Variants in TCF3 observed in about 807,000 individuals in gnomAD.
TCF3 encodes the protein transcription factor E2-alpha.
TCF3 carries 54 observed loss-of-function variants against 72.3 expected under a neutral mutation model. The observed-to-expected ratio is 0.75, with a 90% CI of 0.60 to 0.94. The LOEUF is 0.94. Ranked by LOEUF, TCF3 falls within the 40% of genes least tolerant of loss-of-function variation. The pLI is 0.00. For synonymous variants in TCF3, 525 were observed against 412.6 expected, an observed-to-expected ratio of 1.27 and a Z score of -3.30; for missense variants, 1,078 against 934.4, an observed-to-expected ratio of 1.15 and a Z score of -2.00.
Position 1,621,826 on chromosome 19 carries a change from G to A in TCF3, c.955+12C>T. 4 of 1,579,518 alleles carry A rather than the reference G, an allele frequency of 2.5e-6. No homozygotes were observed. The highest frequency in any genetic ancestry group is 3.4e-6 in the Non-Finnish European group (4 of 1,164,084). On this transcript the variant is annotated intron_variant, in intron 11 of 18. Transcript: ENST00000262965. The stretch of plus-strand genomic sequence containing the variant: ...CCCCTCGGAGAGGCCGCATCCCAGG[G>A]AGGGGCCATACCCAGGAGGCTGTCG...
In TCF3 at chr19:1,621,134, G is replaced by A. The variant is rs1365077546; in HGVS notation, c.1013C>T (p.Ser338Leu). 6 of 1,540,452 alleles carry A rather than the reference G, an allele frequency of 3.9e-6. No homozygotes were observed. Among genetic ancestry groups the A allele is most frequent in the African/African-American group, 1.4e-5 (1 of 72,986 alleles). The change falls in exon 12 of 19, where the codon TCG (serine) becomes TTG (leucine). Residue 338 changes from serine to leucine, a missense_variant and splice_region_variant. Transcript: ENST00000262965. ...SGDALGKALASIYSPDHSSNN... is the reference protein window; with the variant it reads ...SGDALGKALALIYSPDHSSNN... ...CACCCCCCATGCCCCACGCCTCACC[G>A]AGGCCAGTGCTTTGCCGAGGGCATC...
In TCF3 at chr19:1,615,174, G is replaced by A; in HGVS notation, c.1822+111C>T. Reference sequence around the variant, plus strand: ...GCACAGTCACTGCAAGGAGGCAACTGCTGCAGAGGGAGGGCTGGCTCCAGG... The same window carrying A: ...GCACAGTCACTGCAAGGAGGCAACTACTGCAGAGGGAGGGCTGGCTCCAGG... On this transcript the variant is annotated intron_variant, in intron 18 of 18. Transcript: ENST00000262965. The surrounding 1 kb of genome is among the most constrained non-coding windows in gnomAD (Gnocchi z 7.3). 3.0e-6 allele frequency: 4 copies of A among 1,325,364 alleles called. No individual in the cohort carries two copies. Among genetic ancestry groups the A allele is most frequent in the Non-Finnish European group, 4.0e-6 (4 of 988,352 alleles). The allele number at this position is 1,325,364 out of a possible 1,614,324, so 82.1% of individuals were successfully genotyped here. A position where few individuals can be genotyped will look rare whatever the true frequency, so the allele number is the denominator to read the frequency against.
rs1175506325 is a variant in TCF3, at chr19:1,644,819, C to A, written c.145+1536G>T. 2.6e-5 allele frequency among the ~76,000 whole-genome samples: 4 copies of A among 151,868 alleles called. No homozygotes were observed. The East Asian group carries it at 7.8e-4, about 29-fold the overall frequency. The stretch of plus-strand genomic sequence containing the variant: ...GACACCTCCCACCCCACCCTCCCCA[C>A]CAGGCCCTGCTGTAAGCCCACCCAG... On this transcript the variant is annotated intron_variant, in intron 3 of 18. Transcript: ENST00000262965.
At chr19:1,639,139 G>C (rs1373208786) in intron 3 of TCF3, among the ~76,000 whole-genome samples, 2 of 152,224 alleles carry the variant, frequency 1.3e-5, no homozygotes, top group African/African-American at 4.8e-5. Context: ...TGCCTCCCAG[G>C]TTCAAGTGAT....
intron 5 of TCF3, 134 bp downstream of exon 5, chr19:1,631,903 CA>C: frequency 6.5e-7 from 1 of 1,531,882 alleles, no homozygotes; most frequent in Non-Finnish European, 8.8e-7. Context: ...CCAGGACGGG[CA>C]GAGGCTTCGG....
Position 1,609,886 on chromosome 19 carries a change from C to T in TCF3, c.*1821G>A, listed in dbSNP as rs1170171132. On this transcript the variant is annotated 3_prime_UTR_variant, in exon 19 of 19. Coordinates refer to ENST00000262965, the MANE Select transcript of TCF3 (RefSeq NM_003200.5). ...GTCTCAGGAGTGGCACGGGGGGAGA[C>T]GCCCGACCTGCAGCGGGGATGAACA... 6.9e-5 allele frequency: 16 copies of T among 232,460 alleles called. No homozygotes were observed. The highest frequency in any genetic ancestry group is 1.3e-3 in the Middle Eastern group (1 of 784). The allele number at this position is 232,460 out of a possible 1,614,324, so 14.4% of individuals were successfully genotyped here.
chr19:1,633,301 T>TA lies in TCF3; in HGVS notation c.146-897dup, dbSNP rs543943312. Among the ~76,000 whole-genome samples, 16 of 152,242 alleles carry TA rather than the reference T, an allele frequency of 1.1e-4. No homozygotes were observed. The South Asian group carries it at 3.3e-3, about 32-fold the overall frequency. On this transcript the variant is annotated intron_variant, in intron 3 of 18. Coordinates refer to ENST00000262965, the MANE Select transcript of TCF3 (RefSeq NM_003200.5). Reference sequence around the variant, plus strand: ...TGCCCTGCCTTGGTTTCCCTCTCTATAAATGATTTACAAACAGGCCCTACT... The same window carrying TA: ...TGCCCTGCCTTGGTTTCCCTCTCTATAAAATGATTTACAAACAGGCCCTACT...
At chr19:1,623,877 A>T in intron 8 of TCF3, 74 bp downstream of exon 8, 1 of 1,508,074 alleles carries the variant, frequency 6.6e-7, no homozygotes, top group South Asian at 1.2e-5. Context: ...GTGTGTTCCC[A>T]AGCTTCGCCA....
At chr19:1,638,358 G>GT (rs991546882) in intron 3 of TCF3, among the ~76,000 whole-genome samples, 9 of 152,138 alleles carry the variant, frequency 5.9e-5, no homozygotes, top group Admixed American at 1.3e-4. Context: ...CAGATACAAT[G>GT]TTTTTTTGTT....
intron 8 of TCF3, 129 bp from the exon 9 acceptor site, chr19:1,622,544 A>T: frequency 1.9e-6 from 1 of 521,212 alleles, no homozygotes; most frequent in Non-Finnish European, 3.3e-6. Context: ...CTGTAAAGCC[A>T]CCCCCCTTTA....
At chr19:1,626,105 C>T (rs2062846627) in intron 6 of TCF3, among the ~76,000 whole-genome samples, 2 of 152,198 alleles carry the variant, frequency 1.3e-5, no homozygotes, top group African/African-American at 4.8e-5. Flanking sequence ...GGCTTTCTTC[C>T]TGGGGAGCCA....
At chr19:1,650,447 A>G in intron 1 of TCF3, 160 bp from the exon 2 acceptor site, 1 of 584,666 alleles carries the variant, frequency 1.7e-6, no homozygotes, top group Non-Finnish European at 3.0e-6. Flanking sequence ...GAGCCCTGGG[A>G]GCAGGCGCAG....
chr19:1,640,847 T>C (rs916020149), intron 3 of TCF3, among the ~76,000 whole-genome samples: 2 of 147,862 alleles, frequency 1.4e-5, no homozygotes, highest in African/African-American at 5.0e-5. Flanking sequence ...TTACTGATGT[T>C]GTTAAAAAGT....
chr19:1,640,056 C>T (rs2065017958), intron 3 of TCF3, among the ~76,000 whole-genome samples: 1 of 152,194 alleles, frequency 6.6e-6, no homozygotes, highest in Admixed American at 6.5e-5. Flanking sequence ...GAGTCAAGAA[C>T]AAAGAAACCA....
At chr19:1,642,160 ACACACG>A (rs945289946) in intron 3 of TCF3, among the ~76,000 whole-genome samples, 6 of 150,084 alleles carry the variant, frequency 4.0e-5, no homozygotes, top group African/African-American at 1.5e-4. Flanking sequence ...ACACACACAC[ACACACG>A]CACGCGTACA....
At chr19:1,648,493 C>G (rs956244919) in intron 2 of TCF3, among the ~76,000 whole-genome samples, 4 of 152,218 alleles carry the variant, frequency 2.6e-5, no homozygotes, top group African/African-American at 9.6e-5. Flanking sequence ...CCTGTGCCCC[C>G]TCCCCCCAAA....
chr19:1,616,979 G>A (rs1252077509), intron 16 of TCF3, among the ~76,000 whole-genome samples: 1 of 152,108 alleles, frequency 6.6e-6, no homozygotes, highest in Non-Finnish European at 1.5e-5. Context: ...AATAAGCAAG[G>A]TATCCAAAAA....
intron 3 of TCF3, among the ~76,000 whole-genome samples, chr19:1,642,169 C>T (rs930230692): frequency 3.3e-5 from 5 of 151,112 alleles, no homozygotes; most frequent in Non-Finnish European, 7.4e-5. Context: ...CACACACGCA[C>T]GCGTACACAC....
chr19:1,650,532 G>A (rs1279932883), intron 1 of TCF3: 10 of 408,578 alleles, frequency 2.4e-5, no homozygotes, highest in Non-Finnish European at 3.5e-5. Flanking sequence ...AAAATGGGGG[G>A]AGGGTGTGCA....
Sources: gnomAD v4.1 joint callset for allele counts (sites outside exome capture counted in the v4.1 genomes callset) on GRCh38, gnomAD v4.1.1 for gene constraint, Gnocchi (gnomAD v3.1) non-coding constraint, MANE v1.5 for transcripts, NCBI Gene and HGNC (gene_info 2026-07-23, HGNC 2026-07-21) for gene names.